RPLP0: variants seen among roughly 807,000 people sequenced by gnomAD.
The protein encoded by RPLP0 is large ribosomal subunit protein uL10.
For synonymous variants in RPLP0, 137 were observed against 153.4 expected (o/e 0.89, Z 0.79); for missense variants, 276 against 402.9 (o/e 0.69, Z 2.70).
Position 120,201,079 on chromosome 12 carries a change from G to C in RPLP0, c.-49+4C>G. The C allele has an allele frequency of 5.2e-6, 2 of 387,058 alleles. No individual in the cohort carries two copies. The highest frequency in any genetic ancestry group is 5.7e-5 in the South Asian group (1 of 17,396). The allele number at this position is 387,058 out of a possible 1,614,324, so 24.0% of individuals were successfully genotyped here. On this transcript the variant is annotated splice_donor_region_variant and intron_variant, in intron 1 of 7. Transcript: ENST00000392514. The stretch of plus-strand genomic sequence containing the variant: ...CCTGGCGCCCATCTAACTAGCACAC[G>C]AACCTTCCACGAGGACGCCTGGCGA...
At chr12:120,200,520 G>A (rs2136128908) in intron 2 of RPLP0, 1 of 555,826 alleles carries the variant, frequency 1.8e-6, no homozygotes, top group South Asian at 2.4e-5. Flanking sequence ...GGATACGAAT[G>A]CTGTCATCTT....
At chr12:120,197,099 C>A in intron 7 of RPLP0, 165 bp from the exon 8 acceptor site, 2 of 1,250,780 alleles carry the variant, frequency 1.6e-6, no homozygotes, top group South Asian at 2.8e-5. Context: ...CCTAGTGAGG[C>A]AGGGTTCCTA....
At chr12:120,200,653 C>G (rs1244140665) in intron 2 of RPLP0, 77 bp downstream of exon 2, 2 of 1,513,612 alleles carry the variant, frequency 1.3e-6, no homozygotes, top group Non-Finnish European at 1.8e-6. Flanking sequence ...TGAGTAGACC[C>G]TCAGCACATA....
At position 120,201,071 on chromosome 12, in the gene RPLP0, T is replaced by C. The variant is rs1199819337; in HGVS notation, c.-49+12A>G. 7.4e-6 allele frequency: 3 copies of C among 405,856 alleles called. No homozygotes were observed. Among genetic ancestry groups the C allele is most frequent in the Non-Finnish European group, 1.3e-5 (3 of 226,816 alleles). The allele number at this position is 405,856 out of a possible 1,614,324, so 25.1% of individuals were successfully genotyped here. A position where few individuals can be genotyped will look rare whatever the true frequency, so the allele number is the denominator to read the frequency against. ...CGGCGACCCCTGGCGCCCATCTAAC[T>C]AGCACACGAACCTTCCACGAGGACG... On this transcript the variant is annotated intron_variant, in intron 1 of 7. Transcript: ENST00000392514.
intron 2 of RPLP0, chr12:120,200,300 T>C (rs547123206): frequency 1.2e-5 from 4 of 338,352 alleles, no homozygotes; most frequent in East Asian, 8.3e-5. Flanking sequence ...CTGTCTCTAT[T>C]GAAAATACAA....
intron 2 of RPLP0, chr12:120,200,182 C>A: frequency 2.2e-6 from 1 of 445,782 alleles, no homozygotes; most frequent in Admixed American, 2.4e-5. Flanking sequence ...CTGTAATGTG[C>A]GGCCGGGCGC....
intron 1 of RPLP0, 92 bp downstream of exon 1, chr12:120,200,991 C>G: frequency 1.3e-6 from 1 of 755,436 alleles, no homozygotes; most frequent in Non-Finnish European, 2.0e-6. Context: ...CCAGGCGGAA[C>G]AGAATAGGAC....
At chr12:120,199,946 C>T (rs1879351046) in intron 2 of RPLP0, 1 of 440,042 alleles carries the variant, frequency 2.3e-6, no homozygotes, top group Non-Finnish European at 4.6e-6. Context: ...TGTCTGAAAA[C>T]CTTCTAAGTG....
chr12:120,199,971 A>T (rs968294791), intron 2 of RPLP0: 1 of 451,294 alleles, frequency 2.2e-6, no homozygotes, highest in African/African-American at 2.0e-5. Context: ...AAAATGTAAT[A>T]CAAGCTATGC....
rs548479952 is a variant in RPLP0 at position 120,201,017 on chromosome 12, G to T, written c.-49+66C>A. On this transcript the variant is annotated intron_variant, in intron 1 of 7. Transcript: ENST00000392514. ...AGAATAGGACTCCATGTTCCCAAAG[G>T]CCCCCAAAGACCCCTCCATGCTTCC... 994 of 575,714 alleles carry T rather than the reference G, an allele frequency of 1.7e-3. 4 individuals are homozygous for T. Among genetic ancestry groups the T allele is most frequent in the Non-Finnish European group, 2.0e-3 (699 of 355,964 alleles). The allele number at this position is 575,714 out of a possible 1,614,324, so 35.7% of individuals were successfully genotyped here. A position where few individuals can be genotyped will look rare whatever the true frequency, so the allele number is the denominator to read the frequency against.
In RPLP0 at chr12:120,199,533, G is replaced by A. The variant is rs1377223437; in HGVS notation, c.55-48C>T. The A allele has an allele frequency of 1.1e-5, 17 of 1,563,964 alleles. No homozygotes were observed. In the Admixed American group the frequency reaches 1.7e-4, roughly 16 times the overall value. ...GCCAAGTTTAACAGGAAGAGAGAGG[G>A]AAAAAATGCCAGAAGAAACTGAACC... On this transcript the variant is annotated intron_variant, in intron 2 of 7. Transcript: ENST00000392514.
At position 120,199,521 on chromosome 12, in the gene RPLP0, G is replaced by A. The variant is rs1480306264; in HGVS notation, c.55-36C>T. On this transcript the variant is annotated intron_variant, in intron 2 of 7. Coordinates refer to ENST00000392514, the MANE Select transcript of RPLP0 (RefSeq NM_001002.4). ...CAAGCCAGAGGAGCCAAGTTTAACA[G>A]GAAGAGAGAGGGAAAAAATGCCAGA... is the stretch of plus-strand genomic sequence containing the variant. 3.1e-6 allele frequency: 5 copies of A among 1,592,310 alleles called. No individual in the cohort carries two copies. In the South Asian group the frequency reaches 3.4e-5, roughly 11 times the overall value.
intron 3 of RPLP0, 42 bp downstream of exon 3, chr12:120,199,268 C>T (rs746678418): frequency 2.0e-5 from 32 of 1,613,496 alleles, no homozygotes; most frequent in Middle Eastern, 1.6e-4. Context: ...AAGAGGGAGA[C>T]GGGCACTGGG....
chr12:120,198,524 G>T lies in RPLP0; in HGVS notation c.651+30C>A, dbSNP rs151136387. ...CCTTGTCATGCTCTCAACCATCAGT[G>T]TAAGAGGGGGCAAGGCTGACAGCAT... On this transcript the variant is annotated intron_variant, in intron 6 of 7. Transcript: ENST00000392514. The surrounding 1 kb of genome is among the most constrained non-coding windows in gnomAD (Gnocchi z 4.1). 6.4e-4 allele frequency: 1,031 copies of T among 1,613,326 alleles called. 3 individuals are homozygous for T. In the African/African-American group the frequency reaches 0.012, roughly 19 times the overall value.
intron 2 of RPLP0, 183 bp downstream of exon 2, chr12:120,200,547 G>T: frequency 1.6e-6 from 1 of 617,246 alleles, no homozygotes; most frequent in Non-Finnish European, 2.8e-6. Context: ...CACTTAACTT[G>T]CCTGAGCCCG....
Position 120,197,255 on chromosome 12 carries a change from G to A in RPLP0, c.792+67C>T, listed in dbSNP as rs1879216494. The A allele has an allele frequency of 5.7e-6, 8 of 1,410,986 alleles. No homozygotes were observed. In the East Asian group the frequency reaches 1.8e-4, roughly 32 times the overall value. The allele number at this position is 1,410,986 out of a possible 1,614,324, so 87.4% of individuals were successfully genotyped here. Reference sequence around the variant, plus strand: ...ATACAACTATAAAAGCAGTAAGGTAGAAGGCCACATCACCCTGCTAATTTG... The same window carrying A: ...ATACAACTATAAAAGCAGTAAGGTAAAAGGCCACATCACCCTGCTAATTTG... On this transcript the variant is annotated intron_variant, in intron 7 of 7. Transcript: ENST00000392514.
chr12:120,200,013 TAC>T (rs1300423201), intron 2 of RPLP0: 11 of 456,026 alleles, frequency 2.4e-5, no homozygotes, highest in African/African-American at 8.0e-5. Flanking sequence ...TTAAGCGCAG[TAC>T]AGTCAGCATT....
At position 120,200,394 on chromosome 12, in the gene RPLP0, C is replaced by T. The variant is rs575711750; in HGVS notation, c.54+336G>A. 6.7e-5 allele frequency: 22 copies of T among 328,362 alleles called. No homozygotes were observed. In the East Asian group the frequency reaches 1.5e-3, roughly 23 times the overall value. 20.3% of individuals were successfully genotyped at this position (328,362 alleles called of 1,614,324 possible). ...AGGAGAATCGCTTGAACCTGGGAAG[C>T]GGAGGTTGCAGTAAGCCAAGATCAA... On this transcript the variant is annotated intron_variant, in intron 2 of 7. Transcript: ENST00000392514.
In RPLP0 at chr12:120,196,806, C is replaced by T. The variant is rs368920556; in HGVS notation, c.921G>A (p.Ser307=). The T allele has an allele frequency of 9.4e-6, 15 of 1,592,480 alleles. No individual in the cohort carries two copies. Among genetic ancestry groups the T allele is most frequent in the African/African-American group, 5.4e-5 (4 of 74,484 alleles). ...KVEAKEESEE[S]DEDMGFGLFD Reference sequence around the variant, plus strand: ...AGAGACCAAATCCCATATCCTCGTCCGACTCCTCCGACTCTTCCTTGGCTT... The same window carrying T: ...AGAGACCAAATCCCATATCCTCGTCTGACTCCTCCGACTCTTCCTTGGCTT... The change falls in exon 8 of 8, where the codon TCG becomes TCA. Residue 307 remains serine, a synonymous_variant. Coordinates refer to ENST00000392514, the MANE Select transcript of RPLP0 (RefSeq NM_001002.4).
Sources: allele counts gnomAD v4.1 joint callset, GRCh38; gene constraint gnomAD v4.1.1; non-coding constraint Gnocchi (gnomAD v3.1); transcripts MANE v1.5; gene names NCBI Gene and HGNC (gene_info 2026-07-23, HGNC 2026-07-21).